Variants in TEX36 observed in about 807,000 individuals in gnomAD.
TEX36 encodes the protein testis-expressed protein 36.
In TEX36, 12 loss-of-function variants were observed where a neutral mutation model predicts 13.6. That is an observed-to-expected ratio of 0.88 (90% CI 0.56 to 1.43). The LOEUF (loss-of-function observed/expected upper bound fraction) is 1.43, where lower values mean the gene tolerates loss of function less well. Ranked by LOEUF, TEX36 falls within the 40% of genes most tolerant of loss-of-function variation. The pLI is 0.00. For missense variants in TEX36, 224 were observed against 228.3 expected (o/e 0.98, Z 0.12); for synonymous variants, 93 against 83.0 (o/e 1.12, Z -0.65).
chr10:125,601,070 G>C (rs1589749061), intron 3 of TEX36, among the ~76,000 whole-genome samples: 1 of 152,198 alleles, frequency 6.6e-6, no homozygotes, highest in African/African-American at 2.4e-5. Flanking sequence ...TTGCTCTCTG[G>C]TTGAAATAGA....
At chr10:125,585,321 A>G (rs540910807) in intron 3 of TEX36, among the ~76,000 whole-genome samples, 1 of 152,264 alleles carries the variant, frequency 6.6e-6, no homozygotes, top group East Asian at 1.9e-4. Flanking sequence ...GCAGGTCAAG[A>G]GTCACCCCCA....
intron 3 of TEX36, among the ~76,000 whole-genome samples, chr10:125,587,035 G>T (rs935183179): frequency 1.4e-4 from 22 of 152,170 alleles, no homozygotes; most frequent in African/African-American, 5.3e-4. Flanking sequence ...TCCTGTGCCT[G>T]CCATGTAGAC....
intron 3 of TEX36, among the ~76,000 whole-genome samples, chr10:125,596,961 C>A (rs556646851): frequency 6.6e-6 from 1 of 152,250 alleles, no homozygotes; most frequent in Non-Finnish European, 1.5e-5. Flanking sequence ...AAAAATATTA[C>A]CTACTTCAAA....
intron 3 of TEX36, among the ~76,000 whole-genome samples, chr10:125,607,097 T>C (rs1476615760): frequency 1.3e-5 from 2 of 152,212 alleles, no homozygotes; most frequent in Non-Finnish European, 2.9e-5. Flanking sequence ...TCTAGATCAC[T>C]TGGGTGCTGC....
At chr10:125,606,263 T>A (rs1264712063) in intron 3 of TEX36, among the ~76,000 whole-genome samples, 1 of 152,364 alleles carries the variant, frequency 6.6e-6, no homozygotes, top group East Asian at 1.9e-4. Context: ...AATAGATTCC[T>A]ATGTTTTCAA....
At chr10:125,576,619 A>G in exon 4 of TEX36, 1 of 1,262,304 alleles carries the variant, frequency 7.9e-7, no homozygotes, top group Non-Finnish European at 1.1e-6. Flanking sequence ...TTTTTCCAAG[A>G]ATGCTGAATA....
At chr10:125,635,553 A>C (rs963149395) in intron 3 of TEX36, among the ~76,000 whole-genome samples, 1 of 152,186 alleles carries the variant, frequency 6.6e-6, no homozygotes, top group Non-Finnish European at 1.5e-5. Context: ...AGTGCTCTGC[A>C]TACAAGGCAG....
chr10:125,653,155 A>G (rs1846888843), downstream of TEX36, among the ~76,000 whole-genome samples: 1 of 152,222 alleles, frequency 6.6e-6, no homozygotes, highest in African/African-American at 2.4e-5. Context: ...CCAAAGGATT[A>G]TAAATCATGC....
downstream of TEX36, among the ~76,000 whole-genome samples, chr10:125,650,765 A>C (rs187778827): frequency 1.6e-3 from 240 of 152,336 alleles, 1 homozygote; most frequent in African/African-American, 5.7e-3. Flanking sequence ...AAGACTAATA[A>C]AGAAGAAAAG....
intron 1 of TEX36, among the ~76,000 whole-genome samples, chr10:125,662,826 C>G (rs1208665640): frequency 1.3e-5 from 2 of 152,176 alleles, no homozygotes; most frequent in Non-Finnish European, 2.9e-5. Flanking sequence ...GAGGGCCATG[C>G]TCCCAGCAGC....
At chr10:125,640,383 C>G (rs2133574710) in intron 3 of TEX36, among the ~76,000 whole-genome samples, 1 of 152,298 alleles carries the variant, frequency 6.6e-6, no homozygotes, top group Non-Finnish European at 1.5e-5. Context: ...CTACACCTAA[C>G]AGATTCAACA....
At chr10:125,613,284 T>TA in intron 3 of TEX36, among the ~76,000 whole-genome samples, 1 of 135,544 alleles carries the variant, frequency 7.4e-6, no homozygotes, top group South Asian at 2.3e-4. Flanking sequence ...TTTATTTATT[T>TA]TTATTATTAT....
chr10:125,584,267 A>G (rs528663506), intron 3 of TEX36, among the ~76,000 whole-genome samples: 1 of 152,296 alleles, frequency 6.6e-6, no homozygotes, highest in Non-Finnish European at 1.5e-5. Context: ...CTGACACACA[A>G]AACTGTCCAC....
chr10:125,682,108 C>T (rs1847405117), intron 1 of TEX36, among the ~76,000 whole-genome samples: 1 of 152,202 alleles, frequency 6.6e-6, no homozygotes, highest in Non-Finnish European at 1.5e-5. Flanking sequence ...GTGATTTCCC[C>T]TTAACATTCT....
downstream of TEX36, among the ~76,000 whole-genome samples, chr10:125,652,830 T>C (rs969726413): frequency 6.6e-6 from 1 of 152,176 alleles, no homozygotes; most frequent in Non-Finnish European, 1.5e-5. Flanking sequence ...AGGCAAAGGA[T>C]GTGAACAGAC....
chr10:125,582,010 G>T (rs954801442), intron 3 of TEX36, among the ~76,000 whole-genome samples: 2 of 152,216 alleles, frequency 1.3e-5, no homozygotes, highest in South Asian at 2.1e-4. Flanking sequence ...ATGGTCTTAG[G>T]GGGTAAGCAG....
chr10:125,605,272 G>A (rs1846201022), intron 3 of TEX36, among the ~76,000 whole-genome samples: 2 of 152,196 alleles, frequency 1.3e-5, no homozygotes, highest in Admixed American at 6.5e-5. Flanking sequence ...ACCATGTCCT[G>A]CCAGTTAATC....
intron 3 of TEX36, among the ~76,000 whole-genome samples, chr10:125,637,448 T>C (rs1180145866): frequency 6.6e-5 from 10 of 152,246 alleles, no homozygotes; most frequent in Non-Finnish European, 2.9e-5. Flanking sequence ...GATCCCATTG[T>C]ATGTATGTAC....
At chr10:125,622,867 A>G (rs1225869946) in intron 3 of TEX36, among the ~76,000 whole-genome samples, 2 of 152,230 alleles carry the variant, frequency 1.3e-5, no homozygotes, top group Admixed American at 6.5e-5. Flanking sequence ...CAGAGTGGCC[A>G]GGTGGCAGTG....
Sources: allele counts gnomAD v4.1 joint callset (sites outside exome capture counted in the v4.1 genomes callset), GRCh38; gene constraint gnomAD v4.1.1; transcripts MANE v1.5; gene names NCBI Gene and HGNC (gene_info 2026-07-23, HGNC 2026-07-21).